The following PDE8B variants were observed in gnomAD, a reference collection of about 807,000 sequenced individuals.
PDE8B encodes phosphodiesterase 8B.
PDE8B carries 26 observed loss-of-function variants against 101.3 expected under a neutral mutation model. The ratio of observed to expected loss-of-function variants is 0.26; its 90% CI spans 0.19 to 0.36. The LOEUF (loss-of-function observed/expected upper bound fraction) is 0.36. Ranked by LOEUF, PDE8B falls within the 10% of genes least tolerant of loss-of-function variation. PDE8B has a pLI of 1.00. For missense variants in PDE8B, 810 were observed against 1,163.1 expected, an observed-to-expected ratio of 0.70 and a Z score of 4.42; for synonymous variants, 424 against 429.3, an observed-to-expected ratio of 0.99 and a Z score of 0.15.
the PDE8B span, among the ~76,000 whole-genome samples, chr5:77,191,605 G>A: frequency 1.3e-5 from 2 of 152,046 alleles, no homozygotes; most frequent in East Asian, 1.9e-4. Flanking sequence ...CACCCGTCTC[G>A]GCCTCCCAAA....
At chr5:77,151,044 T>G in the PDE8B span, among the ~76,000 whole-genome samples, 1 of 152,248 alleles carries the variant, frequency 6.6e-6, no homozygotes, top group Admixed American at 6.5e-5. Flanking sequence ...ATTGTCTAGA[T>G]GTTCATCAAT....
chr5:77,130,850 T>C, the PDE8B span, among the ~76,000 whole-genome samples: 1 of 152,194 alleles, frequency 6.6e-6, no homozygotes, highest in Non-Finnish European at 1.5e-5. Flanking sequence ...AGAAAAGAGA[T>C]TATGGACACA....
At chr5:77,253,545 G>A (rs1054490325) in intron 1 of PDE8B, among the ~76,000 whole-genome samples, 10 of 152,132 alleles carry the variant, frequency 6.6e-5, no homozygotes, top group South Asian at 2.1e-4. Flanking sequence ...AGATGACTGC[G>A]CCTATAGATT....
intron 1 of PDE8B, among the ~76,000 whole-genome samples, chr5:77,229,653 T>A (rs1056435930): frequency 5.9e-5 from 9 of 152,184 alleles, no homozygotes; most frequent in Non-Finnish European, 1.3e-4. Flanking sequence ...CACTATAGAT[T>A]TGCCTATTGT....
chr5:77,087,066 C>T, the PDE8B span: 1 of 152,302 alleles, frequency 6.6e-6, no homozygotes, highest in African/African-American at 2.4e-5. Flanking sequence ...TCCCCGCTGC[C>T]CGGCCCAGCC....
the PDE8B span, among the ~76,000 whole-genome samples, chr5:77,093,118 GTGCTT>G: frequency 6.6e-6 from 1 of 152,146 alleles, no homozygotes; most frequent in Non-Finnish European, 1.5e-5. Context: ...GAGTTGGCAA[GTGCTT>G]TTTTCTATTT....
chr5:77,143,427 T>C, the PDE8B span, among the ~76,000 whole-genome samples: 1 of 152,220 alleles, frequency 6.6e-6, no homozygotes, highest in Non-Finnish European at 1.5e-5. Context: ...CATGTGTAGA[T>C]CTTTGTAACA....
At chr5:77,308,261 A>G (rs986742271) in intron 1 of PDE8B, among the ~76,000 whole-genome samples, 1 of 152,186 alleles carries the variant, frequency 6.6e-6, no homozygotes. Flanking sequence ...AGCACAGACC[A>G]AGAAGGAAAA....
chr5:77,216,751 T>A (rs1749832214), intron 1 of PDE8B, among the ~76,000 whole-genome samples: 1 of 152,172 alleles, frequency 6.6e-6, no homozygotes, highest in Non-Finnish European at 1.5e-5. Context: ...AGTCCCTTCA[T>A]GACATTGTCC....
chr5:77,261,210 C>T (rs1760511860), intron 1 of PDE8B, among the ~76,000 whole-genome samples: 2 of 152,058 alleles, frequency 1.3e-5, no homozygotes, highest in African/African-American at 4.8e-5. Flanking sequence ...GTAAAACCAG[C>T]CTGCAGTTTT....
chr5:77,104,093 C>T, the PDE8B span, among the ~76,000 whole-genome samples: 1 of 152,192 alleles, frequency 6.6e-6, no homozygotes, highest in African/African-American at 2.4e-5. Flanking sequence ...AGTACCCTTC[C>T]TTCCCCACAG....
intron 1 of PDE8B, among the ~76,000 whole-genome samples, chr5:77,222,867 T>A (rs1751472545): frequency 6.6e-6 from 1 of 152,190 alleles, no homozygotes; most frequent in African/African-American, 2.4e-5. Flanking sequence ...GGTCAGGCTT[T>A]CTAAGCCTGG....
At chr5:77,356,596 A>G (rs1240104466) in intron 10 of PDE8B, among the ~76,000 whole-genome samples, 1 of 151,948 alleles carries the variant, frequency 6.6e-6, no homozygotes, top group East Asian at 1.9e-4. Context: ...TGCCTGGCTA[A>G]TTTTTGTATT....
chr5:77,162,463 G>C, the PDE8B span, among the ~76,000 whole-genome samples: 1 of 151,872 alleles, frequency 6.6e-6, no homozygotes, highest in Non-Finnish European at 1.5e-5. Flanking sequence ...AGAATTGCTA[G>C]AAAAAATAAA....
At chr5:77,189,221 A>G in the PDE8B span, among the ~76,000 whole-genome samples, 3 of 152,182 alleles carry the variant, frequency 2.0e-5, no homozygotes, top group South Asian at 6.2e-4. Flanking sequence ...CTTAAAGGAC[A>G]TATTTCTATT....
At chr5:77,268,650 A>G (rs965810044) in intron 1 of PDE8B, among the ~76,000 whole-genome samples, 5 of 151,882 alleles carry the variant, frequency 3.3e-5, no homozygotes, top group African/African-American at 1.2e-4. Context: ...ACTTAACATA[A>G]TGACTTCCAG....
At chr5:77,291,399 G>T (rs1206129010) in intron 1 of PDE8B, 30 of 1,611,640 alleles carry the variant, frequency 1.9e-5, no homozygotes, top group Middle Eastern at 2.2e-4. Flanking sequence ...GGATCGCCCT[G>T]GAAATTATGT....
At chr5:77,215,720 T>C (rs1248366318) in intron 1 of PDE8B, among the ~76,000 whole-genome samples, 1 of 152,136 alleles carries the variant, frequency 6.6e-6, no homozygotes. Flanking sequence ...ACTAAACTGG[T>C]CATGGGTAAA....
chr5:77,274,730 G>A (rs1763501512), intron 1 of PDE8B, among the ~76,000 whole-genome samples: 1 of 152,000 alleles, frequency 6.6e-6, no homozygotes. Flanking sequence ...GAAAATACAG[G>A]ATATTTCAAT....
Sources: allele counts gnomAD v4.1 joint callset (sites outside exome capture counted in the v4.1 genomes callset), GRCh38; gene constraint gnomAD v4.1.1; transcripts MANE v1.5; gene names NCBI Gene and HGNC (gene_info 2026-07-23, HGNC 2026-07-21).